Variants in DCC observed in about 807,000 individuals in gnomAD.
DCC encodes the protein netrin receptor DCC.
Under a neutral mutation model 172.5 loss-of-function variants are expected in DCC, and 58 were observed. The ratio of observed to expected loss-of-function variants is 0.34; its 90% confidence interval spans 0.27 to 0.42. The LOEUF (loss-of-function observed/expected upper bound fraction) is 0.42, where lower values mean the gene tolerates loss of function less well. Among genes scored for constraint, DCC ranks in the 10% least tolerant of loss-of-function variants. The pLI, the probability that DCC is intolerant of heterozygous loss-of-function variation, is 1.00. For missense variants in DCC, 1,740 were observed against 1,791.0 expected, an observed-to-expected ratio of 0.97 and a Z score of 0.51; for synonymous variants, 709 against 644.5, an observed-to-expected ratio of 1.10 and a Z score of -1.52.
At chr18:52,342,384 G>T (rs933020011) in intron 1 of DCC, among the ~76,000 whole-genome samples, 3 of 144,822 alleles carry the variant, frequency 2.1e-5, no homozygotes, top group African/African-American at 7.7e-5. Flanking sequence ...TGTCCCTCCC[G>T]GGCCGGTCCC....
In DCC at chr18:53,247,997, G is replaced by A. The variant is rs572656848; in HGVS notation, c.1911+32400G>A. Among the ~76,000 whole-genome samples the A allele has an allele frequency of 2.0e-5, 3 of 151,974 alleles. No homozygotes were observed. The South Asian group carries it at 6.2e-4, about 32-fold the overall frequency. ...AGCCATACATGTCAACCCATTAACT[G>A]CTCCATGTCTGATCTCTTTGAATCC... is the stretch of plus-strand genomic sequence containing the variant. On this transcript the variant is annotated intron_variant, in intron 12 of 28. Transcript: ENST00000442544.
At chr18:52,669,213 A>G (rs1303946093) in intron 1 of DCC, among the ~76,000 whole-genome samples, 1 of 152,154 alleles carries the variant, frequency 6.6e-6, no homozygotes, top group Non-Finnish European at 1.5e-5. Context: ...GAGCCAGTTT[A>G]TCCATCTTAG....
intron 1 of DCC, among the ~76,000 whole-genome samples, chr18:52,544,701 G>GT (rs1184110587): frequency 6.6e-6 from 1 of 151,812 alleles, no homozygotes; most frequent in East Asian, 1.9e-4. Flanking sequence ...AGTATCATCT[G>GT]GAAAAAATAT....
intron 1 of DCC, among the ~76,000 whole-genome samples, chr18:52,435,703 C>T (rs762377246): frequency 3.9e-5 from 6 of 152,222 alleles, no homozygotes; most frequent in East Asian, 1.9e-4. Context: ...CCATTTCTGC[C>T]GCCAGGTTTG....
intron 2 of DCC, among the ~76,000 whole-genome samples, chr18:52,821,193 A>G (rs1412636339): frequency 2.0e-5 from 3 of 152,122 alleles, no homozygotes; most frequent in Non-Finnish European, 4.4e-5. Flanking sequence ...CAAACCTACT[A>G]TCCTATCTGC....
At chr18:52,793,026 T>TC (rs200994056) in intron 2 of DCC, among the ~76,000 whole-genome samples, 6,552 of 152,218 alleles carry the variant, frequency 0.043, 219 homozygotes, top group South Asian at 0.16. Context: ...AGAGAGGAGC[T>TC]CTTGTGTGTG....
At chr18:52,391,362 T>C (rs1233111432) in intron 1 of DCC, among the ~76,000 whole-genome samples, 1 of 152,122 alleles carries the variant, frequency 6.6e-6, no homozygotes, top group Non-Finnish European at 1.5e-5. Flanking sequence ...AGCATATAGC[T>C]AGGCACAAAA....
intron 10 of DCC, among the ~76,000 whole-genome samples, chr18:53,207,413 C>A (rs78079440): frequency 1.3e-5 from 2 of 152,124 alleles, no homozygotes; most frequent in African/African-American, 2.4e-5. Flanking sequence ...GTAGAATAAC[C>A]CAAACCATTC....
At chr18:52,859,782 T>A (rs2039110984) in intron 2 of DCC, among the ~76,000 whole-genome samples, 1 of 152,134 alleles carries the variant, frequency 6.6e-6, no homozygotes, top group East Asian at 1.9e-4. Context: ...CAAAGTATAT[T>A]TTGGGGTAAA....
intron 1 of DCC, among the ~76,000 whole-genome samples, chr18:52,405,274 C>T (rs1044350452): frequency 2.0e-5 from 3 of 149,738 alleles, no homozygotes; most frequent in African/African-American, 7.3e-5. Flanking sequence ...TTTACAGTCC[C>T]ACCAACAGTG....
At chr18:52,610,163 AAAAAAAAAAAAAAAAAT>A (rs2034226369) in intron 1 of DCC, among the ~76,000 whole-genome samples, 7 of 19,022 alleles carry the variant, frequency 3.7e-4, no homozygotes, top group African/African-American at 1.1e-3. Flanking sequence ...AAAAAAAAAA[AAAAAAAAAAAAAAAAAT>A]ATATATATAT....
chr18:53,365,393 A>AAT (rs57174501), intron 15 of DCC, among the ~76,000 whole-genome samples: 24,664 of 147,142 alleles, frequency 0.17, 2,644 homozygotes, highest in African/African-American at 0.31. Context: ...AAAGTACAGT[A>AAT]ATATATATAT....
intron 27 of DCC, among the ~76,000 whole-genome samples, chr18:53,514,290 G>A (rs988498049): frequency 8.3e-4 from 126 of 151,930 alleles, no homozygotes; most frequent in East Asian, 2.3e-3. Flanking sequence ...TCTCTGGGAC[G>A]CATTCAAAGC....
At position 53,063,473 on chromosome 18, in the gene DCC, T is replaced by A; in HGVS notation, c.1140+14T>A. Reference sequence around the variant, plus strand: ...TTTCAGATAGTGGTAATTATTTTGTTTCATATTTGTTTTATAATCCCATTC... The same window carrying A: ...TTTCAGATAGTGGTAATTATTTTGTATCATATTTGTTTTATAATCCCATTC... On this transcript the variant is annotated intron_variant, in intron 6 of 28. Coordinates refer to ENST00000442544, the MANE Select transcript of DCC (RefSeq NM_005215.4). The A allele has an allele frequency of 6.3e-7, 1 of 1,577,298 alleles. No homozygotes were observed.
chr18:53,340,886 A>G (rs1308975301), intron 15 of DCC, among the ~76,000 whole-genome samples: 1 of 152,158 alleles, frequency 6.6e-6, no homozygotes. Context: ...CAAACAGAAC[A>G]TTTGTGATGA....
At chr18:53,277,515 A>G (rs1482012628) in intron 12 of DCC, among the ~76,000 whole-genome samples, 1 of 152,180 alleles carries the variant, frequency 6.6e-6, no homozygotes. Flanking sequence ...AGAAGATCTT[A>G]TGGAATGGTT....
chr18:53,046,854 C>G (rs1248328686), intron 5 of DCC, among the ~76,000 whole-genome samples: 1 of 151,986 alleles, frequency 6.6e-6, no homozygotes, highest in East Asian at 2.0e-4. Flanking sequence ...AGTTCAGTGA[C>G]TTACTCTAAA....
intron 3 of DCC, among the ~76,000 whole-genome samples, chr18:52,916,384 T>C (rs948739385): frequency 2.6e-5 from 4 of 152,184 alleles, no homozygotes; most frequent in Admixed American, 1.3e-4. Context: ...GTTTTTAAGT[T>C]AGAAATTTGC....
intron 15 of DCC, among the ~76,000 whole-genome samples, chr18:53,379,517 A>C (rs1485459680): frequency 6.6e-6 from 1 of 152,216 alleles, no homozygotes; most frequent in Non-Finnish European, 1.5e-5. Context: ...GCCCCAGAGA[A>C]AGACATTCAT....
Sources: gnomAD v4.1 joint callset for allele counts (sites outside exome capture counted in the v4.1 genomes callset) on GRCh38, gnomAD v4.1.1 for gene constraint, MANE v1.5 for transcripts, NCBI Gene and HGNC (gene_info 2026-07-23, HGNC 2026-07-21) for gene names.